SLU7: variants seen among roughly 807,000 people sequenced by gnomAD.
SLU7 encodes the protein pre-mRNA-splicing factor SLU7.
Under a neutral mutation model 87.0 loss-of-function variants are expected in SLU7, and 60 were observed. The observed-to-expected ratio is 0.69, with a 90% confidence interval of 0.56 to 0.86. The LOEUF (loss-of-function observed/expected upper bound fraction) is 0.86, where lower values mean the gene tolerates loss of function less well. Among genes scored for constraint, SLU7 ranks in the 40% least tolerant of loss-of-function variants. The pLI is 0.00. For synonymous variants in SLU7, 197 were observed against 222.0 expected (o/e 0.89, Z 1.00); for missense variants, 507 against 686.6 (o/e 0.74, Z 2.92).
rs759239328 is a variant in SLU7, at chr5:160,413,508, T to A, written c.518A>T (p.Tyr173Phe). The change falls in exon 5 of 16, where the codon TAC becomes TTC. Residue 173 changes from tyrosine (Y) to phenylalanine (F), a missense_variant. This residue lies in a region of SLU7 where 155 missense variants were observed against 154.4 expected (regional missense o/e 1.00). Coordinates refer to ENST00000297151, the MANE Select transcript of SLU7 (RefSeq NM_006425.5). ...YDGKRDRWNG[Y>F]NPEEHMKIVE... ...AATTTTCATGTGTTCTTCTGGATTGTAGCCATTCCACCGATCCCTCTTCCC... is the reference window on the plus strand; with the variant it reads ...AATTTTCATGTGTTCTTCTGGATTGAAGCCATTCCACCGATCCCTCTTCCC... 3 of 1,614,006 alleles carry A rather than the reference T, an allele frequency of 1.9e-6. No homozygotes were observed. The highest frequency in any genetic ancestry group is 3.3e-5 in the Admixed American group (2 of 60,028).
At chr5:160,406,258 A>G (rs1014926621) in intron 12 of SLU7, 79 of 399,790 alleles carry the variant, frequency 2.0e-4, no homozygotes, top group Non-Finnish European at 1.9e-4. Flanking sequence ...TATGTTAAAA[A>G]TTTCAGAATT....
Position 160,403,444 on chromosome 5 carries a change from G to A in SLU7, c.1602C>T (p.Ala534=), listed in dbSNP as rs1179881414. ...TGGTCTCCTTGACATGAAGAAGGCGGGCCTCCTCTGCGTTCAGTGCCTATA... is the reference window on the plus strand; with the variant it reads ...TGGTCTCCTTGACATGAAGAAGGCGAGCCTCCTCTGCGTTCAGTGCCTATA... ...KLKKALNAEE[A]RLLHVKETMQ... is the part of the protein sequence containing the mutation. Residue 534 remains alanine (A), a synonymous_variant, in exon 16 of 16, where the codon GCC becomes GCT. Transcript: ENST00000297151. 4 of 1,609,038 alleles carry A rather than the reference G, an allele frequency of 2.5e-6. No individual in the cohort carries two copies. The highest frequency in any genetic ancestry group is 3.4e-6 in the Non-Finnish European group (4 of 1,177,894).
In SLU7 at chr5:160,413,922, G is replaced by A. The variant is rs185165454; in HGVS notation, c.382C>T (p.His128Tyr). ...ACCTCAAAGCAGTCTTTCTTTTTGTGTGTCATGGCCCCACAATTTTCACAT... is the reference window on the plus strand; with the variant it reads ...ACCTCAAAGCAGTCTTTCTTTTTGTATGTCATGGCCCCACAATTTTCACAT... Reference protein sequence around the residue: ...GACENCGAMTHKKKDCFERPR... With the variant: ...GACENCGAMTYKKKDCFERPR... Residue 128 changes from histidine (H) to tyrosine (Y), a missense_variant, in exon 4 of 16, where the codon CAC (histidine) becomes TAC (tyrosine). Physicochemically the swap from His to Tyr is moderately conservative, Grantham distance 83 (BLOSUM62 2). Coordinates refer to ENST00000297151, the MANE Select transcript of SLU7 (RefSeq NM_006425.5). 1 of 1,598,364 alleles carries A rather than the reference G, an allele frequency of 6.3e-7. No individual in the cohort carries two copies. Among genetic ancestry groups the A allele is most frequent in the South Asian group, 1.2e-5 (1 of 86,820 alleles).
At chr5:160,410,767 T>C (rs972739054) in intron 6 of SLU7, among the ~76,000 whole-genome samples, 1 of 152,170 alleles carries the variant, frequency 6.6e-6, no homozygotes, top group Non-Finnish European at 1.5e-5. Flanking sequence ...TAGCTACTAA[T>C]TACCCAGTGT....
chr5:160,406,464 A>T lies in SLU7; in HGVS notation c.1287+4T>A. 1 of 1,603,526 alleles carries T rather than the reference A, an allele frequency of 6.2e-7. No homozygotes were observed. The highest frequency in any genetic ancestry group is 8.5e-7 in the Non-Finnish European group (1 of 1,176,270). Reference sequence around the variant, plus strand: ...ACACAAAATTGTTCCAGTTTAGCACATACTGTGTGATTGTGGATCTTCACA... The same window carrying T: ...ACACAAAATTGTTCCAGTTTAGCACTTACTGTGTGATTGTGGATCTTCACA... On this transcript the variant is annotated splice_donor_region_variant and intron_variant, in intron 12 of 15. Transcript: ENST00000297151.
In SLU7 at chr5:160,415,193, T is replaced by C. The variant is rs143051475; in HGVS notation, c.102A>G (p.Arg34=). 10 of 1,612,198 alleles carry C rather than the reference T, an allele frequency of 6.2e-6. No individual in the cohort carries two copies. In the African/African-American group the frequency reaches 1.2e-4, roughly 19 times the overall value. The change falls in exon 2 of 16, where the codon AGA becomes AGG. Residue 34 remains arginine (R), a synonymous_variant. Transcript: ENST00000297151. The part of the protein sequence containing the change: ...EPKKMTREDW[R]KKKELEEQRK... ...GCTGTTCTTCTAGCTCCTTCTTCTT[T>C]CTCCAGTCCTCTCTGGTCATCTTCT...
rs537559571 is a variant in SLU7 at position 160,416,348 on chromosome 5, A to C, written c.-16-1038T>G. Among the ~76,000 whole-genome samples the C allele has an allele frequency of 2.0e-3, 304 of 152,346 alleles. 3 individuals are homozygous for C. Among genetic ancestry groups the C allele is most frequent in the African/African-American group, 6.9e-3 (288 of 41,576 alleles). On this transcript the variant is annotated intron_variant, in intron 1 of 15. Coordinates refer to ENST00000297151, the MANE Select transcript of SLU7 (RefSeq NM_006425.5). ...CCAAGGCTTCAATGGTCACAATACA[A>C]CACTGCTGGCTCTCCAACTTATTTT...
chr5:160,414,050 A>G (rs1765353739), intron 3 of SLU7, 71 bp from the exon 4 acceptor site: 1 of 965,294 alleles, frequency 1.0e-6, no homozygotes, highest in African/African-American at 1.7e-5. Flanking sequence ...GACTCTCATT[A>G]CTATTTTGTC....
rs180842554 is a variant in SLU7, at chr5:160,410,347, G to A, written c.640-1650C>T. ...TCCCACTATTTGCTAGTTCACCAAA[G>A]ACATTTACATACATTTCTATAGTGA... On this transcript the variant is annotated intron_variant, in intron 6 of 15. Transcript: ENST00000297151. Among the ~76,000 whole-genome samples the A allele has an allele frequency of 2.0e-5, 3 of 152,110 alleles. No homozygotes were observed. The East Asian group carries it at 5.8e-4, about 29-fold the overall frequency.
chr5:160,406,330 T>C, intron 12 of SLU7, 138 bp downstream of exon 12: 1 of 662,148 alleles, frequency 1.5e-6, no homozygotes, highest in Non-Finnish European at 2.3e-6. Flanking sequence ...TTTGAAAAAA[T>C]TCCATGAAAC....
chr5:160,406,344 T>TA (rs1049139614), intron 12 of SLU7, 124 bp downstream of exon 12: 97 of 789,438 alleles, frequency 1.2e-4, no homozygotes, highest in African/African-American at 1.8e-4. Flanking sequence ...ATGAAACAGT[T>TA]AAAATTTTTT....
At chr5:160,405,991 G>A (rs1314575546) in intron 12 of SLU7, among the ~76,000 whole-genome samples, 1 of 152,172 alleles carries the variant, frequency 6.6e-6, no homozygotes, top group Non-Finnish European at 1.5e-5. Context: ...TGTGATTAAT[G>A]ACTAGATATT....
intron 1 of SLU7, among the ~76,000 whole-genome samples, chr5:160,417,401 A>G (rs1042733335): frequency 1.3e-5 from 2 of 152,148 alleles, no homozygotes; most frequent in Non-Finnish European, 2.9e-5. Flanking sequence ...AAAAAAAACA[A>G]CTCTGTCTTT....
chr5:160,414,305 G>C lies in SLU7; in HGVS notation c.324+14C>G, dbSNP rs1484307754. Reference sequence around the variant, plus strand: ...CTCCATATCCATGAAGATGTATACAGGTTGCCTACATACCTCTTTTACACC... The same window carrying C: ...CTCCATATCCATGAAGATGTATACACGTTGCCTACATACCTCTTTTACACC... On this transcript the variant is annotated intron_variant, in intron 3 of 15. Transcript: ENST00000297151. The C allele has an allele frequency of 1.3e-6, 2 of 1,580,690 alleles. No individual in the cohort carries two copies. Among genetic ancestry groups the C allele is most frequent in the Non-Finnish European group, 1.7e-6 (2 of 1,165,658 alleles).
intron 12 of SLU7, among the ~76,000 whole-genome samples, chr5:160,405,462 C>T (rs1386432981): frequency 1.3e-5 from 2 of 152,174 alleles, no homozygotes; most frequent in Non-Finnish European, 2.9e-5. Flanking sequence ...CAGTGGATGC[C>T]CCATTAGATA....
At position 160,415,781 on chromosome 5, in the gene SLU7, T is replaced by C. The variant is rs557863946; in HGVS notation, c.-16-471A>G. On this transcript the variant is annotated intron_variant, in intron 1 of 15. Transcript: ENST00000297151. Reference sequence around the variant, plus strand: ...CATTCTAAAGAAAAGAGTTACATCATTAAGTCATCAAGGACCATTGTGCTA... The same window carrying C: ...CATTCTAAAGAAAAGAGTTACATCACTAAGTCATCAAGGACCATTGTGCTA... 2.0e-5 allele frequency among the ~76,000 whole-genome samples: 3 copies of C among 152,344 alleles called. No individual in the cohort carries two copies. In the South Asian group the frequency reaches 6.2e-4, roughly 32 times the overall value.
At chr5:160,406,391 TA>T in intron 12 of SLU7, 76 bp downstream of exon 12, 1 of 1,059,296 alleles carries the variant, frequency 9.4e-7, no homozygotes, top group Non-Finnish European at 1.3e-6. Context: ...AATGGTTAGC[TA>T]ATAAAGTTGT....
chr5:160,408,488 A>G, intron 7 of SLU7, 28 bp from the exon 8 acceptor site: 1 of 1,578,236 alleles, frequency 6.3e-7, no homozygotes, highest in Non-Finnish European at 8.6e-7. Flanking sequence ...AGGAAAAGTA[A>G]GAAGAAAAGA....
intron 12 of SLU7, 88 bp from the exon 13 acceptor site, chr5:160,405,223 C>A (rs753722408): frequency 1.4e-5 from 13 of 908,060 alleles, no homozygotes; most frequent in Non-Finnish European, 2.3e-5. Context: ...AATAATACAG[C>A]CCATTAAAGG....
Sources: gnomAD v4.1 joint callset for allele counts (sites outside exome capture counted in the v4.1 genomes callset) on GRCh38, gnomAD v4.1.1 for gene constraint, gnomAD v4.1.1 regional missense constraint, MANE v1.5 for transcripts, NCBI Gene and HGNC (gene_info 2026-07-23, HGNC 2026-07-21) for gene names.